The following MICALL1 variants were observed in gnomAD, a reference collection of about 807,000 sequenced individuals.
MICALL1 encodes MICAL-like protein 1.
Under a neutral mutation model 83.7 loss-of-function variants are expected in MICALL1, and 61 were observed. The observed-to-expected ratio is 0.73, with a 90% CI of 0.59 to 0.90. The LOEUF is 0.90. Among genes scored for constraint, MICALL1 ranks in the 40% least tolerant of loss-of-function variants. The probability of loss-of-function intolerance (pLI) is 0.00; values close to 1 mark genes in which losing one functional copy is unlikely to be tolerated. For synonymous variants in MICALL1, 481 were observed against 473.6 expected, an observed-to-expected ratio of 1.02 and a Z score of -0.20; for missense variants, 1,066 against 1,152.0, an observed-to-expected ratio of 0.93 and a Z score of 1.08.
Position 37,917,752 on chromosome 22 carries a change from C to A in MICALL1, c.383C>A (p.Pro128Gln). 1 of 1,613,932 alleles carries A rather than the reference C, an allele frequency of 6.2e-7. No individual in the cohort carries two copies. Among genetic ancestry groups the A allele is most frequent in the Non-Finnish European group, 8.5e-7 (1 of 1,179,908 alleles). ...AAGGGCCTTGCACCCTGTTCCCCGC[C>A]GTCTGTAGCACCCACTCCAGTGGAA... ...PRKGLAPCSP[P>Q]SVAPTPVEPE... The change falls in exon 4 of 16, where the codon CCG becomes CAG. Residue 128 changes from proline to glutamine, a missense_variant. By Grantham distance (76) the Pro-to-Gln change is moderately conservative. Transcript: ENST00000215957.
At position 37,937,335 on chromosome 22, in the gene MICALL1, G is replaced by A. The variant is rs1466193392; in HGVS notation, c.2423+141G>A. 1.7e-5 allele frequency: 11 copies of A among 662,792 alleles called. No individual in the cohort carries two copies. The South Asian group carries it at 2.0e-4, about 12-fold the overall frequency. The allele number at this position is 662,792 out of a possible 1,614,324, so 41.1% of individuals were successfully genotyped here. On this transcript the variant is annotated intron_variant, in intron 14 of 15. Coordinates refer to ENST00000215957, the MANE Select transcript of MICALL1 (RefSeq NM_033386.4). ...AGGCCAGCCCTGCCCTCCTACCAGC[G>A]ATCCCAGTGCACCGTTGCTCAGCCC... is the stretch of plus-strand genomic sequence containing the variant.
In MICALL1 at chr22:37,932,685, G is replaced by A; in HGVS notation, c.2143+6G>A. The A allele has an allele frequency of 2.5e-6, 4 of 1,613,198 alleles. No individual in the cohort carries two copies. Among genetic ancestry groups the A allele is most frequent in the Non-Finnish European group, 3.4e-6 (4 of 1,179,714 alleles). ...GCTGCGTGGCGGCCTGAATGGTGCG[G>A]GAGCGGCTGGGAGGGCCTGCTGGGT... On this transcript the variant is annotated splice_donor_region_variant and intron_variant, in intron 11 of 15. Coordinates refer to ENST00000215957, the MANE Select transcript of MICALL1 (RefSeq NM_033386.4). The surrounding 1 kb of genome is among the most constrained non-coding windows in gnomAD (Gnocchi z 4.4).
Position 37,925,781 on chromosome 22 carries a change from G to A in MICALL1, c.1203G>A (p.Gln401=). Reference sequence around the variant, plus strand: ...GGCCACCAAGCCAGGACAGCAGGCAGGTGGAGAATGGAGGCACCGAGGAGG... The same window carrying A: ...GGCCACCAAGCCAGGACAGCAGGCAAGTGGAGAATGGAGGCACCGAGGAGG... ...SPGPPSQDSR[Q]VENGGTEEVA... Residue 401 remains glutamine (Q), a synonymous_variant, in exon 8 of 16, where the codon CAG becomes CAA. Coordinates refer to ENST00000215957, the MANE Select transcript of MICALL1 (RefSeq NM_033386.4). 3.1e-6 allele frequency: 5 copies of A among 1,613,464 alleles called. No homozygotes were observed. Among genetic ancestry groups the A allele is most frequent in the Non-Finnish European group, 4.2e-6 (5 of 1,179,968 alleles).
At position 37,932,812 on chromosome 22, in the gene MICALL1, G is replaced by T; in HGVS notation, c.2158G>T (p.Asp720Tyr). 6.2e-7 allele frequency: 1 copy of T among 1,614,112 alleles called. No individual in the cohort carries two copies. The highest frequency in any genetic ancestry group is 1.1e-5 in the South Asian group (1 of 91,078). Residue 720 changes from aspartate to tyrosine, a missense_variant, in exon 12 of 16, where the codon GAC becomes TAC. Transcript: ENST00000215957. This position sits in a 1 kb window ranked among gnomAD's most constrained non-coding sequence, Gnocchi z 4.4. ...CTGGCTTCCAGAGGGCCGTGAGGATGACATGCTGGTGGACTGGTTCAAGCT... is the reference window on the plus strand; with the variant it reads ...CTGGCTTCCAGAGGGCCGTGAGGATTACATGCTGGTGGACTGGTTCAAGCT... ...RGGLNEGRED[D>Y]MLVDWFKLIH...
chr22:37,921,925 G>A (rs770804135), intron 5 of MICALL1, 47 bp from the exon 6 acceptor site: 1 of 1,503,074 alleles, frequency 6.7e-7, no homozygotes, highest in South Asian at 1.3e-5. Context: ...GCCAGTGCCT[G>A]GGCCCAGCTG....
At position 37,927,656 on chromosome 22, in the gene MICALL1, G is replaced by A. The variant is rs41280823; in HGVS notation, c.1711G>A (p.Val571Met). ...CTCTGGGGAACTAGTGGAGCCTAGAGTGGAACAAATGCCTCAAGCCAGCCC... is the reference window on the plus strand; with the variant it reads ...CTCTGGGGAACTAGTGGAGCCTAGAATGGAACAAATGCCTCAAGCCAGCCC... Reference protein sequence around the residue: ...ASSGELVEPRVEQMPQASPGL... With the variant: ...ASSGELVEPRMEQMPQASPGL... The change falls in exon 9 of 16, where the codon GTG becomes ATG. Residue 571 changes from valine to methionine, a missense_variant. By Grantham distance (21) the Val-to-Met change is conservative (BLOSUM62 1). Coordinates refer to ENST00000215957, the MANE Select transcript of MICALL1 (RefSeq NM_033386.4). The A allele has an allele frequency of 6.2e-6, 10 of 1,614,196 alleles. No individual in the cohort carries two copies. Among genetic ancestry groups the A allele is most frequent in the East Asian group, 2.2e-5 (1 of 44,866 alleles).
intron 3 of MICALL1, among the ~76,000 whole-genome samples, chr22:37,914,184 A>G (rs995264595): frequency 5.9e-5 from 8 of 135,868 alleles, no homozygotes; most frequent in African/African-American, 1.9e-4. Flanking sequence ...CCCTGGCCCA[A>G]CTCTTTAAAG....
intron 4 of MICALL1, 32 bp downstream of exon 4, chr22:37,917,827 A>G (rs769991444): frequency 6.3e-7 from 1 of 1,590,224 alleles, no homozygotes. Context: ...TGGGAGGGCC[A>G]GGGGTGGAGG....
Position 37,932,471 on chromosome 22 carries a change from T to C in MICALL1, c.2017-82T>C. On this transcript the variant is annotated intron_variant, in intron 10 of 15. Transcript: ENST00000215957. This position sits in a 1 kb window ranked among gnomAD's most constrained non-coding sequence, Gnocchi z 4.4. The stretch of plus-strand genomic sequence containing the variant: ...AGGGCCCGGGCCCTGGAGCCACCAG[T>C]GGCCAATGCTGGCCAGAGAAGAGGG... 13 of 1,568,006 alleles carry C rather than the reference T, an allele frequency of 8.3e-6. No homozygotes were observed. The highest frequency in any genetic ancestry group is 9.5e-6 in the Non-Finnish European group (11 of 1,154,740).
intron 1 of MICALL1, among the ~76,000 whole-genome samples, chr22:37,909,571 G>T (rs925735320): frequency 2.0e-5 from 3 of 151,436 alleles, no homozygotes; most frequent in Non-Finnish European, 4.4e-5. Flanking sequence ...TGTTAGTCAG[G>T]ATGGTCTCAA....
intron 13 of MICALL1, among the ~76,000 whole-genome samples, chr22:37,935,385 C>T (rs994148286): frequency 2.0e-5 from 3 of 151,914 alleles, no homozygotes; most frequent in Non-Finnish European, 2.9e-5. Context: ...CTCAGCCTCC[C>T]GTGTAGCTGG....
chr22:37,917,697 C>T lies in MICALL1; in HGVS notation c.338-10C>T. On this transcript the variant is annotated splice_polypyrimidine_tract_variant and intron_variant, in intron 3 of 15. Coordinates refer to ENST00000215957, the MANE Select transcript of MICALL1 (RefSeq NM_033386.4). ...ACCTGCTTCAGGACCCCTTTCTCAT[C>T]TCTTGGCAGCTGGTGTCTCGCCACC... is the stretch of plus-strand genomic sequence containing the variant. The T allele has an allele frequency of 6.2e-7, 1 of 1,613,396 alleles. No homozygotes were observed. The highest frequency in any genetic ancestry group is 2.2e-5 in the East Asian group (1 of 44,858).
intron 1 of MICALL1, among the ~76,000 whole-genome samples, chr22:37,909,500 AG>A (rs1465469252): frequency 1.3e-5 from 2 of 152,042 alleles, no homozygotes; most frequent in Admixed American, 1.3e-4. Context: ...CTGGGACTAC[AG>A]GTGCCCGCCA....
At chr22:37,927,870 T>A (rs1310951521) in intron 9 of MICALL1, 44 bp downstream of exon 9, 2 of 1,537,664 alleles carry the variant, frequency 1.3e-6, no homozygotes, top group Non-Finnish European at 1.8e-6. Context: ...TCCTCTCTAG[T>A]GGATGCGGGT....
intron 13 of MICALL1, among the ~76,000 whole-genome samples, chr22:37,935,000 C>T (rs535286687): frequency 8.8e-4 from 130 of 148,420 alleles, no homozygotes; most frequent in African/African-American, 3.1e-3. Context: ...GGCACAATCT[C>T]GGCTCACTGC....
rs1046171516 is a variant in MICALL1, at chr22:37,911,977, A to G, written c.172A>G (p.Asn58Asp). The change falls in exon 2 of 16, where the codon AAT becomes GAT. Residue 58 changes from asparagine to aspartate, a missense_variant. Asn to Asp is a conservative substitution (Grantham distance 23). Transcript: ENST00000215957. ...AGATTTTGATTCGCTTTCCAAGGAC[A>G]ATGTCTTCGAGAATAACCGTTTGGT... ...LLDFDSLSKD[N>D]VFENNRLAFE... 3 of 1,613,998 alleles carry G rather than the reference A, an allele frequency of 1.9e-6. No homozygotes were observed. Among genetic ancestry groups the G allele is most frequent in the African/African-American group, 1.3e-5 (1 of 74,894 alleles).
chr22:37,930,359 T>C lies in MICALL1; in HGVS notation c.1882-1440T>C, dbSNP rs781441561. Among the ~76,000 whole-genome samples, 25 of 152,074 alleles carry C rather than the reference T, an allele frequency of 1.6e-4. No homozygotes were observed. Among genetic ancestry groups the C allele is most frequent in the Admixed American group, 6.5e-5 (1 of 15,280 alleles). ...GTGCCACCCTGGGTCATTGGGTGGG[T>C]GCTGCCCTGTGGGAGCCAAGCCCTG... is the stretch of plus-strand genomic sequence containing the variant. On this transcript the variant is annotated intron_variant, in intron 9 of 15. Coordinates refer to ENST00000215957, the MANE Select transcript of MICALL1 (RefSeq NM_033386.4). This position sits in a 1 kb window ranked among gnomAD's most constrained non-coding sequence, Gnocchi z 4.8.
chr22:37,908,203 T>G (rs899183493), intron 1 of MICALL1, among the ~76,000 whole-genome samples: 4 of 152,116 alleles, frequency 2.6e-5, no homozygotes, highest in African/African-American at 9.7e-5. Context: ...GGATTGATAA[T>G]GTGACACAGC....
At position 37,906,685 on chromosome 22, in the gene MICALL1, ACGCCGACCCCCC is replaced by A; in HGVS notation, c.146+120_146+131del. The A allele has an allele frequency of 1.0e-6, 1 of 959,868 alleles. No individual in the cohort carries two copies. The allele number at this position is 959,868 out of a possible 1,614,324, so 59.5% of individuals were successfully genotyped here. A position where few individuals can be genotyped will look rare whatever the true frequency, so the allele number is the denominator to read the frequency against. On this transcript the variant is annotated intron_variant, in intron 1 of 15. Coordinates refer to ENST00000215957, the MANE Select transcript of MICALL1 (RefSeq NM_033386.4). This position sits in a 1 kb window ranked among gnomAD's most constrained non-coding sequence, Gnocchi z 4.4. ...ACAGGCGCCGCCCCCGGACACGGAG[ACGCCGACCCCCC>A]CGACGGCCCCGGACGCCGGGCGGGT...
Sources: gnomAD v4.1 joint callset for allele counts (sites outside exome capture counted in the v4.1 genomes callset) on GRCh38, gnomAD v4.1.1 for gene constraint, Gnocchi (gnomAD v3.1) non-coding constraint, MANE v1.5 for transcripts, NCBI Gene and HGNC (gene_info 2026-07-23, HGNC 2026-07-21) for gene names.